RAB28: variants seen among roughly 807,000 people sequenced by gnomAD.
The protein encoded by RAB28 is RAB28, member RAS oncogene family, also known as ras-related protein Rab-28.
Under a neutral mutation model 31.7 loss-of-function variants are expected in RAB28, and 24 were observed. The ratio of observed to expected loss-of-function variants is 0.76; its 90% CI spans 0.55 to 1.06. The LOEUF (loss-of-function observed/expected upper bound fraction) is 1.06. Ranked by LOEUF, RAB28 falls within the 50% of genes least tolerant of loss-of-function variation. The probability of loss-of-function intolerance (pLI) is 0.00; values close to 1 mark genes in which losing one functional copy is unlikely to be tolerated. For synonymous variants in RAB28, 100 were observed against 90.4 expected (o/e 1.11, Z -0.60); for missense variants, 254 against 258.5 (o/e 0.98, Z 0.12).
intron 6 of RAB28, among the ~76,000 whole-genome samples, chr4:13,373,959 ATGTG>A (rs1553864951): frequency 9.3e-5 from 14 of 151,308 alleles, no homozygotes; most frequent in Middle Eastern, 3.4e-3. Flanking sequence ...GTATGTATGT[ATGTG>A]TGTGTGTGTA....
At chr4:13,416,682 G>A (rs1712800294) in intron 4 of RAB28, among the ~76,000 whole-genome samples, 4 of 152,144 alleles carry the variant, frequency 2.6e-5, no homozygotes, top group Admixed American at 1.3e-4. Flanking sequence ...TGAAGTAATG[G>A]TAATATTCTA....
intron 4 of RAB28, among the ~76,000 whole-genome samples, chr4:13,400,990 T>C (rs1048145457): frequency 1.3e-5 from 2 of 152,228 alleles, no homozygotes; most frequent in Non-Finnish European, 2.9e-5. Context: ...GAATCTTTTG[T>C]ATTTATGTTC....
At chr4:13,427,917 C>T (rs1191936540) in intron 4 of RAB28, among the ~76,000 whole-genome samples, 1 of 152,150 alleles carries the variant, frequency 6.6e-6, no homozygotes, top group Non-Finnish European at 1.5e-5. Flanking sequence ...CTGGGAGCTT[C>T]GGCAAGACTC....
intron 4 of RAB28, among the ~76,000 whole-genome samples, chr4:13,436,770 C>G (rs1184257236): frequency 6.6e-6 from 1 of 151,894 alleles, no homozygotes; most frequent in Non-Finnish European, 1.5e-5. Flanking sequence ...GTTAAAATGA[C>G]CACACGACCA....
At chr4:13,439,921 T>C (rs1310491322) in intron 4 of RAB28, among the ~76,000 whole-genome samples, 2 of 152,172 alleles carry the variant, frequency 1.3e-5, no homozygotes, top group Non-Finnish European at 2.9e-5. Context: ...CATTTCTCTC[T>C]TTAGAAATTA....
intron 4 of RAB28, among the ~76,000 whole-genome samples, chr4:13,422,084 G>A (rs923564596): frequency 1.3e-5 from 2 of 151,088 alleles, no homozygotes; most frequent in Non-Finnish European, 2.9e-5. Flanking sequence ...ATCAAAAAGT[G>A]GGCAAAGGAT....
intron 4 of RAB28, among the ~76,000 whole-genome samples, chr4:13,415,705 C>T (rs575138479): frequency 6.6e-6 from 1 of 152,140 alleles, no homozygotes; most frequent in Non-Finnish European, 1.5e-5. Flanking sequence ...GCCTCCCCAA[C>T]GAGCACCATC....
intron 1 of RAB28, among the ~76,000 whole-genome samples, chr4:13,481,697 G>C (rs1716612608): frequency 2.6e-5 from 4 of 152,022 alleles, no homozygotes; most frequent in Non-Finnish European, 4.4e-5. Flanking sequence ...GAAAAGGAAA[G>C]AAATAGAAAC....
chr4:13,432,121 T>G (rs1385072312), intron 4 of RAB28, among the ~76,000 whole-genome samples: 1 of 151,920 alleles, frequency 6.6e-6, no homozygotes, highest in Non-Finnish European at 1.5e-5. Flanking sequence ...GAATTGAAAA[T>G]TTAACTACAG....
chr4:13,405,119 G>T (rs1712002689), intron 4 of RAB28, among the ~76,000 whole-genome samples: 1 of 152,044 alleles, frequency 6.6e-6, no homozygotes, highest in African/African-American at 2.4e-5. Context: ...GTTTGTGCTG[G>T]AAAATCAGCT....
In RAB28 at chr4:13,460,838, AAG is replaced by A. The variant is rs1304946342; in HGVS notation, c.262-12_262-11del. ...ATACCAAGAGGACTCCCTGTCACAA[AAG>A]AGTTACAAAATATCTGTAATGTATT... On this transcript the variant is annotated splice_polypyrimidine_tract_variant and intron_variant, in intron 3 of 6. Coordinates refer to ENST00000330852, the MANE Select transcript of RAB28 (RefSeq NM_001017979.3). 6.2e-7 allele frequency: 1 copy of A among 1,606,832 alleles called. No homozygotes were observed.
chr4:13,381,734 C>T, intron 4 of RAB28, 140 bp from the exon 5 acceptor site: 1 of 568,244 alleles, frequency 1.8e-6, no homozygotes, highest in Non-Finnish European at 3.1e-6. Context: ...ATTTATTAAA[C>T]CTCTTTATGA....
chr4:13,479,910 A>C (rs1466249288), intron 1 of RAB28, among the ~76,000 whole-genome samples: 1 of 151,768 alleles, frequency 6.6e-6, no homozygotes, highest in Non-Finnish European at 1.5e-5. Context: ...TCTGAGGTTA[A>C]ATATTCTGAG....
chr4:13,414,985 T>A (rs1335924265), intron 4 of RAB28, among the ~76,000 whole-genome samples: 1 of 152,192 alleles, frequency 6.6e-6, no homozygotes, highest in Non-Finnish European at 1.5e-5. Flanking sequence ...AATAAGGCAA[T>A]TCTTATAAAG....
intron 6 of RAB28, among the ~76,000 whole-genome samples, chr4:13,375,012 GGTA>G (rs1256517436): frequency 6.6e-6 from 1 of 151,992 alleles, no homozygotes; most frequent in African/African-American, 2.4e-5. Context: ...TTTCTACCCA[GGTA>G]TATTATTCAT....
At chr4:13,456,843 T>G (rs993356217) in intron 4 of RAB28, among the ~76,000 whole-genome samples, 2 of 152,196 alleles carry the variant, frequency 1.3e-5, no homozygotes, top group Non-Finnish European at 2.9e-5. Flanking sequence ...CTCTAGTTAC[T>G]CTGGATAGTT....
At chr4:13,439,499 A>G (rs1022400708) in intron 4 of RAB28, among the ~76,000 whole-genome samples, 5 of 151,086 alleles carry the variant, frequency 3.3e-5, no homozygotes, top group African/African-American at 1.2e-4. Context: ...GGAGTGTGCC[A>G]CCATGCTCAG....
chr4:13,439,596 C>T (rs1479914591), intron 4 of RAB28, among the ~76,000 whole-genome samples: 1 of 152,202 alleles, frequency 6.6e-6, no homozygotes, highest in Non-Finnish European at 1.5e-5. Flanking sequence ...ATCCACCTGC[C>T]TCAGCCTCCC....
intron 4 of RAB28, among the ~76,000 whole-genome samples, chr4:13,425,414 A>G (rs1713418998): frequency 6.6e-6 from 1 of 152,182 alleles, no homozygotes; most frequent in Admixed American, 6.5e-5. Flanking sequence ...AACTATTTCA[A>G]CAAACACTGT....
Sources: allele counts gnomAD v4.1 joint callset (sites outside exome capture counted in the v4.1 genomes callset), GRCh38; gene constraint gnomAD v4.1.1; transcripts MANE v1.5; gene names NCBI Gene and HGNC (gene_info 2026-07-23, HGNC 2026-07-21).